Variants in SMPD3 observed in about 807,000 individuals in gnomAD.
SMPD3 encodes nSMase-2.
A neutral mutation model predicts 55.7 loss-of-function variants in SMPD3; 21 were observed. That is an observed-to-expected ratio of 0.38 (90% CI 0.27 to 0.54). The LOEUF (loss-of-function observed/expected upper bound fraction) is 0.54, where lower values mean the gene tolerates loss of function less well. Ranked by LOEUF, SMPD3 falls within the 20% of genes least tolerant of loss-of-function variation. The pLI is 0.80. For synonymous variants in SMPD3, 457 were observed against 404.3 expected (o/e 1.13, Z -1.56); for missense variants, 842 against 899.6 (o/e 0.94, Z 0.82).
intron 1 of SMPD3, among the ~76,000 whole-genome samples, chr16:68,403,146 GA>G (rs2090225826): frequency 6.6e-6 from 1 of 152,178 alleles, no homozygotes; most frequent in African/African-American, 2.4e-5. Context: ...ACCCCCTTGG[GA>G]TAGCTTTCCC....
In SMPD3 at chr16:68,371,105, G is replaced by A. The variant is rs548009887; in HGVS notation, c.1077C>T (p.Phe359=). ...TGTCAAACACCTCCTGCAGGCACAGGAAGTCCAGGTTGGCGGGGAAGAAGG... is the reference window on the plus strand; with the variant it reads ...TGTCAAACACCTCCTGCAGGCACAGAAAGTCCAGGTTGGCGGGGAAGAAGG... ...VSAFFPANLD[F]LCLQEVFDKR... Residue 359 remains phenylalanine (F), a synonymous_variant, in exon 3 of 9, where the codon TTC becomes TTT. Coordinates refer to ENST00000219334, the MANE Select transcript of SMPD3 (RefSeq NM_018667.4). The A allele has an allele frequency of 3.1e-6, 5 of 1,614,022 alleles. No homozygotes were observed. The highest frequency in any genetic ancestry group is 2.7e-5 in the African/African-American group (2 of 74,944).
At chr16:68,442,597 C>A (rs756067527) in intron 1 of SMPD3, among the ~76,000 whole-genome samples, 12 of 152,190 alleles carry the variant, frequency 7.9e-5, no homozygotes, top group Non-Finnish European at 1.6e-4. Flanking sequence ...ATTGCACTTT[C>A]TCATATTGGC....
intron 2 of SMPD3, among the ~76,000 whole-genome samples, chr16:68,381,141 C>T (rs913123313): frequency 5.9e-5 from 9 of 152,208 alleles, no homozygotes; most frequent in Admixed American, 2.6e-4. Context: ...CCCTCCCAGG[C>T]GGCTGGGCTT....
At chr16:68,439,794 A>G (rs1381752582) in intron 1 of SMPD3, among the ~76,000 whole-genome samples, 1 of 152,212 alleles carries the variant, frequency 6.6e-6, no homozygotes, top group African/African-American at 2.4e-5. Flanking sequence ...CCTCAGAGCT[A>G]TGCAGTGAAT....
chr16:68,431,365 G>T (rs1235737852), intron 1 of SMPD3, among the ~76,000 whole-genome samples: 1 of 152,176 alleles, frequency 6.6e-6, no homozygotes, highest in Non-Finnish European at 1.5e-5. Flanking sequence ...AGAGTCTAGG[G>T]ACTTTTTCTG....
intron 1 of SMPD3, among the ~76,000 whole-genome samples, chr16:68,424,294 C>G (rs1179573867): frequency 6.6e-6 from 1 of 151,946 alleles, no homozygotes; most frequent in Non-Finnish European, 1.5e-5. Context: ...ACTCCCAGCC[C>G]CAGCATTAAG....
chr16:68,444,088 C>T (rs74024532), intron 1 of SMPD3, among the ~76,000 whole-genome samples: 3,317 of 152,272 alleles, frequency 0.022, 125 homozygotes, highest in African/African-American at 0.075. Context: ...TGAGTTTGTT[C>T]GAAGTAATGC....
intron 1 of SMPD3, among the ~76,000 whole-genome samples, chr16:68,426,297 A>C (rs899047401): frequency 1.3e-5 from 2 of 152,248 alleles, no homozygotes; most frequent in African/African-American, 4.8e-5. Flanking sequence ...TTGATTCAAT[A>C]ACCTTATTTG....
intron 1 of SMPD3, among the ~76,000 whole-genome samples, chr16:68,408,078 G>A (rs1341543597): frequency 2.0e-5 from 3 of 152,112 alleles, no homozygotes; most frequent in African/African-American, 7.2e-5. Flanking sequence ...CTGTGACCAA[G>A]CTCCAAATTT....
At position 68,440,316 on chromosome 16, in the gene SMPD3, C is replaced by G. The variant is rs151172804; in HGVS notation, c.-269+8037G>C. 6.4e-4 allele frequency among the ~76,000 whole-genome samples: 98 copies of G among 152,330 alleles called. No homozygotes were observed. In the East Asian group the frequency reaches 0.018, roughly 28 times the overall value. On this transcript the variant is annotated intron_variant, in intron 1 of 8. Coordinates refer to ENST00000219334, the MANE Select transcript of SMPD3 (RefSeq NM_018667.4). The stretch of plus-strand genomic sequence containing the variant: ...TGCTCAGGTGATCCTCCCACCTCAG[C>G]CTCCTCCTGAGTAGCTGGGACTACA...
chr16:68,406,064 C>T (rs1454106448), intron 1 of SMPD3, among the ~76,000 whole-genome samples: 1 of 152,146 alleles, frequency 6.6e-6, no homozygotes, highest in African/African-American at 2.4e-5. Context: ...GCAGTTGAAC[C>T]CCCAATGGTC....
intron 1 of SMPD3, among the ~76,000 whole-genome samples, chr16:68,395,818 C>T (rs2152007341): frequency 6.6e-6 from 1 of 152,340 alleles, no homozygotes; most frequent in Middle Eastern, 3.4e-3. Context: ...AAACATTTCA[C>T]TTACTCTTTT....
Position 68,364,926 on chromosome 16 carries a change from A to C in SMPD3, c.1400-20T>G, listed in dbSNP as rs770550827. ...TGTCCTCTGCAGGGCAGAAGTACAG[A>C]GACTGGATGATGAAGTTCGCCCCAG... is the stretch of plus-strand genomic sequence containing the variant. On this transcript the variant is annotated intron_variant, in intron 4 of 8. Coordinates refer to ENST00000219334, the MANE Select transcript of SMPD3 (RefSeq NM_018667.4). The C allele has an allele frequency of 6.2e-7, 1 of 1,612,962 alleles. No homozygotes were observed. The highest frequency in any genetic ancestry group is 8.5e-7 in the Non-Finnish European group (1 of 1,179,242).
At chr16:68,361,844 T>C in intron 7 of SMPD3, 85 bp from the exon 8 acceptor site, 84 of 766,756 alleles carry the variant, frequency 1.1e-4, no homozygotes, top group East Asian at 2.2e-4. Flanking sequence ...CATGGTCTCC[T>C]CCCAGTGTGG....
intron 1 of SMPD3, among the ~76,000 whole-genome samples, chr16:68,416,224 G>T (rs993964987): frequency 2.0e-5 from 3 of 152,240 alleles, no homozygotes; most frequent in Non-Finnish European, 2.9e-5. Context: ...AGGCCAGGGA[G>T]AACTCCTGTG....
At chr16:68,423,178 C>T (rs1172152606) in intron 1 of SMPD3, among the ~76,000 whole-genome samples, 1 of 152,196 alleles carries the variant, frequency 6.6e-6, no homozygotes, top group Admixed American at 6.5e-5. Flanking sequence ...GCCTCCTTGT[C>T]ACCTCCTTTA....
chr16:68,375,079 G>A (rs1156390169), intron 2 of SMPD3, among the ~76,000 whole-genome samples: 1 of 152,164 alleles, frequency 6.6e-6, no homozygotes, highest in Non-Finnish European at 1.5e-5. Context: ...GCCCAGCCTG[G>A]CCAGCACCAT....
intron 2 of SMPD3, among the ~76,000 whole-genome samples, chr16:68,373,968 C>T (rs2089742603): frequency 6.6e-6 from 1 of 152,254 alleles, no homozygotes; most frequent in Non-Finnish European, 1.5e-5. Flanking sequence ...GACTTTTGGA[C>T]CCCTTGCCCC....
At chr16:68,446,396 G>A (rs1260936466) in intron 1 of SMPD3, among the ~76,000 whole-genome samples, 2 of 151,974 alleles carry the variant, frequency 1.3e-5, no homozygotes, top group African/African-American at 4.8e-5. Flanking sequence ...CTAGGTCATT[G>A]CTGTGGCTTG....
Sources: gnomAD v4.1 joint callset for allele counts (sites outside exome capture counted in the v4.1 genomes callset) on GRCh38, gnomAD v4.1.1 for gene constraint, MANE v1.5 for transcripts, NCBI Gene and HGNC (gene_info 2026-07-23, HGNC 2026-07-21) for gene names.